LRRC4C: variants seen among roughly 807,000 people sequenced by gnomAD.
LRRC4C encodes leucine-rich repeat-containing protein 4C.
Under a neutral mutation model 33.6 loss-of-function variants are expected in LRRC4C, and 5 were observed. The ratio of observed to expected loss-of-function variants is 0.15; its 90% CI spans 0.08 to 0.31. The LOEUF (loss-of-function observed/expected upper bound fraction) is 0.31, where lower values mean the gene tolerates loss of function less well. Ranked by LOEUF, LRRC4C falls within the 10% of genes least tolerant of loss-of-function variation. The pLI, the probability that LRRC4C is intolerant of heterozygous loss-of-function variation, is 1.00. For synonymous variants in LRRC4C, 329 were observed against 302.0 expected (o/e 1.09, Z -0.93); for missense variants, 560 against 796.7 (o/e 0.70, Z 3.58).
intron 5 of LRRC4C, among the ~76,000 whole-genome samples, chr11:40,231,306 C>A (rs1417676843): frequency 1.3e-5 from 2 of 152,132 alleles, no homozygotes; most frequent in African/African-American, 4.8e-5. Flanking sequence ...CAAACTCTAA[C>A]AAATTTTATC....
At chr11:40,237,628 C>T (rs1164036559) in intron 5 of LRRC4C, among the ~76,000 whole-genome samples, 1 of 152,156 alleles carries the variant, frequency 6.6e-6, no homozygotes, top group Non-Finnish European at 1.5e-5. Context: ...ACCCTTCATT[C>T]TATCTTCCTC....
chr11:40,360,920 C>A (rs1422726006), intron 3 of LRRC4C, among the ~76,000 whole-genome samples: 1 of 152,106 alleles, frequency 6.6e-6, no homozygotes, highest in African/African-American at 2.4e-5. Context: ...AGGCTTCATC[C>A]TCAGATGCAA....
intron 2 of LRRC4C, among the ~76,000 whole-genome samples, chr11:40,699,986 G>A (rs1945786274): frequency 6.6e-6 from 1 of 152,090 alleles, no homozygotes; most frequent in African/African-American, 2.4e-5. Context: ...GTGTTATAAT[G>A]CTTTAAAATT....
chr11:41,057,201 C>T (rs939836586), intron 1 of LRRC4C, among the ~76,000 whole-genome samples: 2 of 152,184 alleles, frequency 1.3e-5, no homozygotes, highest in Non-Finnish European at 2.9e-5. Flanking sequence ...TATTTGTGCC[C>T]GCTCTAATCC....
chr11:40,919,840 T>G (rs1713132108), intron 2 of LRRC4C, among the ~76,000 whole-genome samples: 1 of 152,074 alleles, frequency 6.6e-6, no homozygotes, highest in South Asian at 2.1e-4. Flanking sequence ...TGCAAACAAC[T>G]TAGGAATTAA....
At chr11:41,103,383 C>A (rs991211498) in intron 1 of LRRC4C, among the ~76,000 whole-genome samples, 3 of 151,872 alleles carry the variant, frequency 2.0e-5, no homozygotes, top group African/African-American at 4.8e-5. Context: ...CAATCCAGTG[C>A]TCTTTCTAAT....
intron 3 of LRRC4C, among the ~76,000 whole-genome samples, chr11:40,583,287 C>T (rs7102938): frequency 0.25 from 38,499 of 152,064 alleles, 5,112 homozygotes; most frequent in Middle Eastern, 0.36. Context: ...TTCACTTTTC[C>T]CCCTCTGCTC....
At chr11:40,759,788 C>T (rs1949114970) in intron 2 of LRRC4C, among the ~76,000 whole-genome samples, 1 of 151,792 alleles carries the variant, frequency 6.6e-6, no homozygotes, top group African/African-American at 2.4e-5. Context: ...TTTCCCCTTC[C>T]TGATCAGCCA....
At chr11:40,765,459 C>G (rs1385260626) in intron 2 of LRRC4C, among the ~76,000 whole-genome samples, 1 of 152,054 alleles carries the variant, frequency 6.6e-6, no homozygotes, top group Non-Finnish European at 1.5e-5. Flanking sequence ...TTATGCAGTT[C>G]AAATATTTCT....
intron 3 of LRRC4C, among the ~76,000 whole-genome samples, chr11:40,431,833 A>G (rs981206406): frequency 6.6e-6 from 1 of 152,178 alleles, no homozygotes; most frequent in Admixed American, 6.5e-5. Context: ...AGTTGGGTCT[A>G]CTACGCAGGA....
At chr11:40,876,622 A>G (rs996514399) in intron 2 of LRRC4C, among the ~76,000 whole-genome samples, 1 of 151,946 alleles carries the variant, frequency 6.6e-6, no homozygotes, top group Non-Finnish European at 1.5e-5. Context: ...AAGAAATCTC[A>G]GGCTGGGCAT....
intron 2 of LRRC4C, among the ~76,000 whole-genome samples, chr11:40,788,954 A>G (rs1213555797): frequency 6.6e-6 from 1 of 152,056 alleles, no homozygotes; most frequent in African/African-American, 2.4e-5. Flanking sequence ...TTAGCTGGGC[A>G]TGGTAGCGGG....
chr11:40,223,874 T>C (rs1313627559), intron 5 of LRRC4C, among the ~76,000 whole-genome samples: 1 of 152,246 alleles, frequency 6.6e-6, no homozygotes, highest in Non-Finnish European at 1.5e-5. Flanking sequence ...CATCTAACTG[T>C]AAAGAATCTT....
chr11:41,239,530 G>T (rs184647321), intron 1 of LRRC4C, among the ~76,000 whole-genome samples: 1 of 151,878 alleles, frequency 6.6e-6, no homozygotes, highest in Admixed American at 6.6e-5. Flanking sequence ...CCCTGTACCC[G>T]GAATTTATCT....
At chr11:40,899,574 C>T (rs983005445) in intron 2 of LRRC4C, among the ~76,000 whole-genome samples, 6 of 152,078 alleles carry the variant, frequency 3.9e-5, no homozygotes, top group African/African-American at 1.4e-4. Context: ...TTGAGCTTTT[C>T]CCAACATAGA....
rs145867576 is a variant in LRRC4C at position 41,273,580 on chromosome 11, C to T, written c.-496+185851G>A. ...AAGCAAAGAAAAGAATGGTAATTTC[C>T]AGAGGCTAAAGGAAGGGGAAAATGG... On this transcript the variant is annotated intron_variant, in intron 1 of 6. Coordinates refer to ENST00000528697, the MANE Select transcript of LRRC4C (RefSeq NM_001258419.2). Among the ~76,000 whole-genome samples the T allele has an allele frequency of 2.4e-3, 359 of 152,138 alleles. 1 individual carries two copies. The highest frequency in any genetic ancestry group is 8.1e-3 in the African/African-American group (338 of 41,506).
intron 2 of LRRC4C, among the ~76,000 whole-genome samples, chr11:40,749,410 T>G (rs1158262583): frequency 6.9e-6 from 1 of 144,998 alleles, no homozygotes. Flanking sequence ...TAAAAAAGAA[T>G]TGAAACAAAT....
chr11:41,034,516 GTA>G (rs1211122909), intron 1 of LRRC4C, among the ~76,000 whole-genome samples: 1 of 142,206 alleles, frequency 7.0e-6, no homozygotes, highest in Admixed American at 7.2e-5. Flanking sequence ...ATATATGTGT[GTA>G]TATATATATT....
rs557823935 is a variant in LRRC4C at position 40,913,014 on chromosome 11, G to T, written c.-407+20621C>A. Among the ~76,000 whole-genome samples, 15 of 152,274 alleles carry T rather than the reference G, an allele frequency of 9.9e-5. No individual in the cohort carries two copies. In the East Asian group the frequency reaches 2.7e-3, roughly 27 times the overall value. Reference sequence around the variant, plus strand: ...AGAGCTAACTATCCTAAATATATATGCACCCAATACAAGAGCACTCAGATT... The same window carrying T: ...AGAGCTAACTATCCTAAATATATATTCACCCAATACAAGAGCACTCAGATT... On this transcript the variant is annotated intron_variant, in intron 2 of 6. Coordinates refer to ENST00000528697, the MANE Select transcript of LRRC4C (RefSeq NM_001258419.2).
Sources: gnomAD v4.1 joint callset for allele counts (sites outside exome capture counted in the v4.1 genomes callset) on GRCh38, gnomAD v4.1.1 for gene constraint, MANE v1.5 for transcripts, NCBI Gene and HGNC (gene_info 2026-07-23, HGNC 2026-07-21) for gene names.